Variants in RTRAF observed in about 807,000 individuals in gnomAD.
RTRAF encodes the protein RNA transcription, translation and transport factor, also known as tRNA-splicing ligase complex subunit RTRAF.
RTRAF carries 14 observed loss-of-function variants against 34.4 expected under a neutral mutation model. That is an observed-to-expected ratio of 0.41 (90% CI 0.27 to 0.64). The LOEUF is 0.64. Among genes scored for constraint, RTRAF ranks in the 30% least tolerant of loss-of-function variants. The pLI is 0.34. For missense variants in RTRAF, 291 were observed against 288.4 expected (o/e 1.01, Z -0.06); for synonymous variants, 96 against 95.3 (o/e 1.01, Z -0.04).
intron 2 of RTRAF, among the ~76,000 whole-genome samples, chr14:51,992,033 G>C (rs1890442554): frequency 6.6e-6 from 1 of 152,190 alleles, no homozygotes; most frequent in African/African-American, 2.4e-5. Context: ...TGAGATGCTT[G>C]AAAACCAAGA....
chr14:51,993,103 C>T lies in RTRAF; in HGVS notation c.187-620C>T, dbSNP rs1890460456. The stretch of plus-strand genomic sequence containing the variant: ...CACACGTATTTCTGATGTGAAACAC[C>T]TGGAATGACAGTAAGAATAATTTCA... On this transcript the variant is annotated intron_variant, in intron 2 of 7. Coordinates refer to ENST00000261700, the MANE Select transcript of RTRAF (RefSeq NM_016039.3). Among the ~76,000 whole-genome samples, 4 of 146,614 alleles carry T rather than the reference C, an allele frequency of 2.7e-5. No individual in the cohort carries two copies. The South Asian group carries it at 6.3e-4, about 23-fold the overall frequency.
chr14:52,007,251 T>TA lies in RTRAF; in HGVS notation c.*2739dup. 1 of 154,842 alleles carries TA rather than the reference T, an allele frequency of 6.5e-6. No homozygotes were observed. The highest frequency in any genetic ancestry group is 1.9e-4 in the East Asian group (1 of 5,220). 9.6% of individuals were successfully genotyped at this position (154,842 alleles called of 1,614,324 possible). On this transcript the variant is annotated 3_prime_UTR_variant, in exon 8 of 8. Coordinates refer to ENST00000261700, the MANE Select transcript of RTRAF (RefSeq NM_016039.3). ...TAACTTGTTTTAAACAACTGGGTTA[T>TA]AAAAGTGACCTATGTACATTAGGCC...
chr14:51,997,201 G>A (rs761577588), intron 3 of RTRAF, among the ~76,000 whole-genome samples: 4 of 151,612 alleles, frequency 2.6e-5, no homozygotes, highest in Non-Finnish European at 5.9e-5. Context: ...ATGTTTTTGC[G>A]CCTCAAGTTT....
At position 52,009,054 on chromosome 14, in the gene RTRAF, A is replaced by G. The variant is rs542513146; in HGVS notation, c.*4538A>G. The G allele has an allele frequency of 3.3e-5, 5 of 152,336 alleles. No individual in the cohort carries two copies. In the South Asian group the frequency reaches 8.3e-4, roughly 25 times the overall value. The allele number at this position is 152,336 out of a possible 1,614,324, so 9.4% of individuals were successfully genotyped here. A position where few individuals can be genotyped will look rare whatever the true frequency, so the allele number is the denominator to read the frequency against. ...TATAAAATACTATTTTATAAAAGCT[A>G]TAGAAGCTTTGAATAAATCAGTTGG... is the stretch of plus-strand genomic sequence containing the variant. On this transcript the variant is annotated 3_prime_UTR_variant, in exon 8 of 8. Transcript: ENST00000261700.
intron 5 of RTRAF, 97 bp from the exon 6 acceptor site, chr14:52,001,701 C>A: frequency 2.3e-6 from 2 of 888,098 alleles, no homozygotes; most frequent in Non-Finnish European, 3.5e-6. Flanking sequence ...GTAATTCTGA[C>A]TTCATCAAAA....
intron 3 of RTRAF, among the ~76,000 whole-genome samples, chr14:51,994,780 A>G (rs1461424006): frequency 1.3e-5 from 2 of 152,204 alleles, no homozygotes; most frequent in Non-Finnish European, 1.5e-5. Flanking sequence ...TAAGCTCCTT[A>G]GCATGGTAGT....
rs369538342 is a variant in RTRAF at position 51,991,305 on chromosome 14, T to C, written c.62-12T>C. ...GTGCTTCTAGTTATTTATGTGATATTTTTTATTGCAGATGAAACAGAATTT... is the reference window on the plus strand; with the variant it reads ...GTGCTTCTAGTTATTTATGTGATATCTTTTATTGCAGATGAAACAGAATTT... On this transcript the variant is annotated splice_polypyrimidine_tract_variant and intron_variant, in intron 1 of 7. Transcript: ENST00000261700. 13 of 1,611,548 alleles carry C rather than the reference T, an allele frequency of 8.1e-6. No homozygotes were observed. In the African/African-American group the frequency reaches 1.6e-4, roughly 20 times the overall value.
At position 52,004,382 on chromosome 14, in the gene RTRAF, G is replaced by T; in HGVS notation, c.601G>T (p.Ala201Ser). 1 of 1,613,702 alleles carries T rather than the reference G, an allele frequency of 6.2e-7. No individual in the cohort carries two copies. The highest frequency in any genetic ancestry group is 8.5e-7 in the Non-Finnish European group (1 of 1,179,836). Reference sequence around the variant, plus strand: ...AACAGATGCAGTTCTTAATGAAGCTGCTCAAATTCTGCGATTGCTGCACAT... The same window carrying T: ...AACAGATGCAGTTCTTAATGAAGCTTCTCAAATTCTGCGATTGCTGCACAT... ...DTGDAVLNEA[A>S]QILRLLHIEE... The change falls in exon 8 of 8, where the codon GCT becomes TCT. Residue 201 changes from alanine (A) to serine (S), a missense_variant. By Grantham distance (99) the Ala-to-Ser change is moderately conservative (BLOSUM62 1). Coordinates refer to ENST00000261700, the MANE Select transcript of RTRAF (RefSeq NM_016039.3).
Position 52,005,520 on chromosome 14 carries a change from G to C in RTRAF, c.*1004G>C, listed in dbSNP as rs752247140. On this transcript the variant is annotated 3_prime_UTR_variant, in exon 8 of 8. Coordinates refer to ENST00000261700, the MANE Select transcript of RTRAF (RefSeq NM_016039.3). The stretch of plus-strand genomic sequence containing the variant: ...TCCTGTGAGAGAAGAGCAGGGGTGG[G>C]ACAGGGTGGTGGGTGAGTATATTGT... 2 of 1,595,680 alleles carry C rather than the reference G, an allele frequency of 1.3e-6. No individual in the cohort carries two copies. The highest frequency in any genetic ancestry group is 1.7e-6 in the Non-Finnish European group (2 of 1,173,128).
chr14:52,003,843 G>A (rs919543083), intron 6 of RTRAF, among the ~76,000 whole-genome samples: 28 of 152,098 alleles, frequency 1.8e-4, no homozygotes, highest in African/African-American at 2.4e-5. Context: ...GCTTACTGTC[G>A]CCAAAATAAG....
intron 3 of RTRAF, among the ~76,000 whole-genome samples, chr14:51,995,951 A>G (rs1480133680): frequency 1.3e-5 from 2 of 152,132 alleles, no homozygotes; most frequent in African/African-American, 4.8e-5. Context: ...ATATGAGCCA[A>G]TTTGTAGCTT....
chr14:51,993,598 T>C (rs1890469788), intron 2 of RTRAF, 125 bp from the exon 3 acceptor site: 1 of 621,120 alleles, frequency 1.6e-6, no homozygotes, highest in Non-Finnish European at 2.8e-6. Context: ...GCATCAAAAG[T>C]GTAGTAATGT....
rs746972232 is a variant in RTRAF at position 52,009,352 on chromosome 14, T to C, written c.*4836T>C. 3 of 152,194 alleles carry C rather than the reference T, an allele frequency of 2.0e-5. No homozygotes were observed. The highest frequency in any genetic ancestry group is 4.4e-5 in the Non-Finnish European group (3 of 68,034). The allele number at this position is 152,194 out of a possible 1,614,324, so 9.4% of individuals were successfully genotyped here. On this transcript the variant is annotated 3_prime_UTR_variant, in exon 8 of 8. Coordinates refer to ENST00000261700, the MANE Select transcript of RTRAF (RefSeq NM_016039.3). ...TCACACAGATATTTGGTGTAAATTA[T>C]TTGGGGATTGCCAGAGGAAGAAAGT...
At position 52,006,004 on chromosome 14, in the gene RTRAF, T is replaced by C. The variant is rs145205706; in HGVS notation, c.*1488T>C. The C allele has an allele frequency of 1.3e-4, 83 of 622,380 alleles. No homozygotes were observed. The highest frequency in any genetic ancestry group is 1.2e-3 in the African/African-American group (66 of 55,042). 38.6% of individuals were successfully genotyped at this position (622,380 alleles called of 1,614,324 possible). ...AAGCCATACTGAAGTTTGAAGACCA[T>C]TGCTCTAAATCCATTGCTCATCTCT... is the stretch of plus-strand genomic sequence containing the variant. On this transcript the variant is annotated 3_prime_UTR_variant, in exon 8 of 8. Coordinates refer to ENST00000261700, the MANE Select transcript of RTRAF (RefSeq NM_016039.3).
At chr14:51,997,892 T>A (rs1890544579) in intron 3 of RTRAF, 1 of 151,928 alleles carries the variant, frequency 6.6e-6, no homozygotes, top group Non-Finnish European at 1.5e-5. Flanking sequence ...AGCAGATTTT[T>A]ACCTTCCTAA....
intron 5 of RTRAF, among the ~76,000 whole-genome samples, chr14:52,001,374 A>G (rs571386387): frequency 1.3e-5 from 2 of 152,204 alleles, no homozygotes. Flanking sequence ...GTAAGACAGT[A>G]TGTATGATCT....
intron 6 of RTRAF, among the ~76,000 whole-genome samples, chr14:52,003,801 T>A (rs560019909): frequency 0.1 from 15,583 of 152,278 alleles, 1,006 homozygotes; most frequent in East Asian, 0.15. Flanking sequence ...AGAAATGGAA[T>A]ATAAGGTACT....
intron 6 of RTRAF, 94 bp downstream of exon 6, chr14:52,001,960 C>A: frequency 1.9e-6 from 2 of 1,063,008 alleles, no homozygotes; most frequent in South Asian, 1.6e-5. Context: ...TTAAGATATC[C>A]ATTCTACGTT....
In RTRAF at chr14:52,005,535, G is replaced by A. The variant is rs1423452891; in HGVS notation, c.*1019G>A. On this transcript the variant is annotated 3_prime_UTR_variant, in exon 8 of 8. Coordinates refer to ENST00000261700, the MANE Select transcript of RTRAF (RefSeq NM_016039.3). Reference sequence around the variant, plus strand: ...GCAGGGGTGGGACAGGGTGGTGGGTGAGTATATTGTAACCAAGTTGCAACA... The same window carrying A: ...GCAGGGGTGGGACAGGGTGGTGGGTAAGTATATTGTAACCAAGTTGCAACA... 15 of 1,588,336 alleles carry A rather than the reference G, an allele frequency of 9.4e-6. No individual in the cohort carries two copies. Among genetic ancestry groups the A allele is most frequent in the Non-Finnish European group, 1.3e-5 (15 of 1,169,480 alleles).
Sources: gnomAD v4.1 joint callset for allele counts (sites outside exome capture counted in the v4.1 genomes callset) on GRCh38, gnomAD v4.1.1 for gene constraint, MANE v1.5 for transcripts, NCBI Gene and HGNC (gene_info 2026-07-23, HGNC 2026-07-21) for gene names.